The following NEUROD2 variants were observed in gnomAD, a reference collection of about 807,000 sequenced individuals.
The protein encoded by NEUROD2 is neuronal differentiation 2.
In NEUROD2, 5 loss-of-function variants were observed where a neutral mutation model predicts 9.3. The ratio of observed to expected loss-of-function variants is 0.54; its 90% CI spans 0.28 to 1.13. The LOEUF is 1.13. Among genes scored for constraint, NEUROD2 ranks in the 50% most tolerant of loss-of-function variants. The pLI, the probability that NEUROD2 is intolerant of heterozygous loss-of-function variation, is 0.10. For synonymous variants in NEUROD2, 277 were observed against 257.3 expected (o/e 1.08, Z -0.73); for missense variants, 376 against 549.2 (o/e 0.68, Z 3.15).
In NEUROD2 at chr17:39,605,828, C is replaced by T; in HGVS notation, c.772G>A (p.Gly258Ser). The T allele has an allele frequency of 7.3e-7, 1 of 1,369,426 alleles. No individual in the cohort carries two copies. Among genetic ancestry groups the T allele is most frequent in the Non-Finnish European group, 9.4e-7 (1 of 1,067,870 alleles). The allele number at this position is 1,369,426 out of a possible 1,614,324, so 84.8% of individuals were successfully genotyped here. The change falls in exon 2 of 2, where the codon GGC becomes AGC. Residue 258 changes from glycine to serine, a missense_variant. Transcript: ENST00000302584. This position sits in a 1 kb window ranked among gnomAD's most constrained non-coding sequence, Gnocchi z 6.8. ...GAQCQAAGGL[G>S]GGAAHALRTH... is the part of the protein sequence containing the mutation. ...CGCAGGGCGTGCGCCGCGCCGCCGC[C>T]CAGGCCGCCGGCCGCCTGGCACTGT...
chr17:39,604,538 C>T lies in NEUROD2; in HGVS notation c.*913G>A, dbSNP rs1024858532. On this transcript the variant is annotated 3_prime_UTR_variant, in exon 2 of 2. Transcript: ENST00000302584. ...ACAGATCCGCGCTCGGGCGGGGCGG[C>T]CCGCAGGCCGGGCGGGGCATCCCGG... is the stretch of plus-strand genomic sequence containing the variant. 3 of 151,752 alleles carry T rather than the reference C, an allele frequency of 2.0e-5. No homozygotes were observed. The highest frequency in any genetic ancestry group is 7.3e-5 in the African/African-American group (3 of 41,306). 9.4% of individuals were successfully genotyped at this position (151,752 alleles called of 1,614,324 possible).
rs958579554 is a variant in NEUROD2, at chr17:39,606,751, G to T, written c.-5-147C>A. ...GCTACCCTGGATGCCCACCTCCGCCGCCTGCCCCGCCCAGAGCCGGCCCAG... is the reference window on the plus strand; with the variant it reads ...GCTACCCTGGATGCCCACCTCCGCCTCCTGCCCCGCCCAGAGCCGGCCCAG... On this transcript the variant is annotated intron_variant, in intron 1 of 1. Coordinates refer to ENST00000302584, the MANE Select transcript of NEUROD2 (RefSeq NM_006160.4). The surrounding 1 kb of genome is among the most constrained non-coding windows in gnomAD (Gnocchi z 7.8). 2.1e-4 allele frequency: 176 copies of T among 833,662 alleles called. No individual in the cohort carries two copies. In the African/African-American group the frequency reaches 2.9e-3, roughly 14 times the overall value. 51.6% of individuals were successfully genotyped at this position (833,662 alleles called of 1,614,324 possible).
At position 39,605,210 on chromosome 17, in the gene NEUROD2, G is replaced by C. The variant is rs2056762274; in HGVS notation, c.*241C>G. On this transcript the variant is annotated 3_prime_UTR_variant, in exon 2 of 2. Coordinates refer to ENST00000302584, the MANE Select transcript of NEUROD2 (RefSeq NM_006160.4). This position sits in a 1 kb window ranked among gnomAD's most constrained non-coding sequence, Gnocchi z 6.8. ...AGAGGTCCCTGGAGAAGCACTCCTT[G>C]GGAGAGAGGAGGAGGGAACCCCTTG... The C allele has an allele frequency of 4.4e-6, 2 of 454,532 alleles. No homozygotes were observed. The highest frequency in any genetic ancestry group is 4.0e-5 in the African/African-American group (2 of 49,984). The allele number at this position is 454,532 out of a possible 1,614,324, so 28.2% of individuals were successfully genotyped here.
chr17:39,605,360 G>GA lies in NEUROD2; in HGVS notation c.*90_*91insT, dbSNP rs11388087. On this transcript the variant is annotated 3_prime_UTR_variant, in exon 2 of 2. Coordinates refer to ENST00000302584, the MANE Select transcript of NEUROD2 (RefSeq NM_006160.4). This position sits in a 1 kb window ranked among gnomAD's most constrained non-coding sequence, Gnocchi z 6.8. ...TGGCCCGCTCCCCGCGCCCGGCGCC[G>GA]GGGTAGGATGGGGGTGTCCCTGCGC... 12,187 of 1,427,422 alleles carry GA rather than the reference G, an allele frequency of 8.5e-3. 888 individuals are homozygous for GA. The African/African-American group carries it at 0.16, about 19-fold the overall frequency. 88.4% of individuals were successfully genotyped at this position (1,427,422 alleles called of 1,614,324 possible). A position where few individuals can be genotyped will look rare whatever the true frequency, so the allele number is the denominator to read the frequency against.
chr17:39,607,696 G>T (rs1461098878), intron 1 of NEUROD2, 32 bp downstream of exon 1: 14 of 977,108 alleles, frequency 1.4e-5, no homozygotes, highest in Non-Finnish European at 1.6e-5. Flanking sequence ...CCAACCGGCG[G>T]GTCAGATCTC....
In NEUROD2 at chr17:39,606,330, T is replaced by C. The variant is rs1380296917; in HGVS notation, c.270A>G (p.Glu90=). 6.3e-7 allele frequency: 1 copy of C among 1,596,460 alleles called. No individual in the cohort carries two copies. The highest frequency in any genetic ancestry group is 8.5e-7 in the Non-Finnish European group (1 of 1,174,152). Residue 90 remains glutamate (E), a synonymous_variant, in exon 2 of 2, where the codon GAA becomes GAG. Transcript: ENST00000302584. This position sits in a 1 kb window ranked among gnomAD's most constrained non-coding sequence, Gnocchi z 7.8. ...GGEEEEEEEE[E]EGLDEAEGER... The stretch of plus-strand genomic sequence containing the variant: ...CGCCCTCCGCCTCGTCCAGTCCTTC[T>C]TCCTCCTCCTCTTCCTCCTCCTCCT...
chr17:39,607,575 A>C, intron 1 of NEUROD2, 153 bp downstream of exon 1: 1 of 981,694 alleles, frequency 1.0e-6, no homozygotes, highest in Non-Finnish European at 1.2e-6. Context: ...TGCAGCCCCT[A>C]AGGGAGAGAG....
rs1054159361 is a variant in NEUROD2, at chr17:39,605,307, C to T, written c.*144G>A. ...AGGCCACCCACAGGTAACAGGACTGCGCTGCCCCAGGAGAGCGGCAGGACC... is the reference window on the plus strand; with the variant it reads ...AGGCCACCCACAGGTAACAGGACTGTGCTGCCCCAGGAGAGCGGCAGGACC... On this transcript the variant is annotated 3_prime_UTR_variant, in exon 2 of 2. Coordinates refer to ENST00000302584, the MANE Select transcript of NEUROD2 (RefSeq NM_006160.4). This position sits in a 1 kb window ranked among gnomAD's most constrained non-coding sequence, Gnocchi z 6.8. 8.8e-7 allele frequency: 1 copy of T among 1,137,924 alleles called. No individual in the cohort carries two copies. Among genetic ancestry groups the T allele is most frequent in the Non-Finnish European group, 1.2e-6 (1 of 827,846 alleles). The allele number at this position is 1,137,924 out of a possible 1,614,324, so 70.5% of individuals were successfully genotyped here. A position where few individuals can be genotyped will look rare whatever the true frequency, so the allele number is the denominator to read the frequency against.
Position 39,607,735 on chromosome 17 carries a change from AG to A in NEUROD2, c.-14del. On this transcript the variant is annotated 5_prime_UTR_variant, in exon 1 of 2. Transcript: ENST00000302584. Reference sequence around the variant, plus strand: ...CCCTTTCGGACAACTTACCTCGGAGAGGAGTCAAGGGGAGAGGGGAGGGGAG... The same window carrying A: ...CCCTTTCGGACAACTTACCTCGGAGAGAGTCAAGGGGAGAGGGGAGGGGAG... 3.5e-6 allele frequency: 1 copy of A among 284,888 alleles called. No homozygotes were observed. The allele number at this position is 284,888 out of a possible 1,614,324, so 17.6% of individuals were successfully genotyped here.
In NEUROD2 at chr17:39,606,345, C is replaced by T. The variant is rs1186387703; in HGVS notation, c.255G>A (p.Glu85=). ...CCAGTCCTTCTTCCTCCTCCTCTTC[C>T]TCCTCCTCCTCTCCCCCCAGCTCGC... The part of the protein sequence containing the change: ...EEGELGGEEE[E]EEEEEEGLDE... The change falls in exon 2 of 2, where the codon GAG becomes GAA. Residue 85 remains glutamate (E), a synonymous_variant. Transcript: ENST00000302584. This position sits in a 1 kb window ranked among gnomAD's most constrained non-coding sequence, Gnocchi z 7.8. 2.6e-6 allele frequency: 4 copies of T among 1,565,388 alleles called. No individual in the cohort carries two copies. The African/African-American group carries it at 4.1e-5, about 16-fold the overall frequency.
At position 39,604,865 on chromosome 17, in the gene NEUROD2, T is replaced by C. The variant is rs2056760676; in HGVS notation, c.*586A>G. The C allele has an allele frequency of 6.8e-6, 1 of 147,954 alleles. No homozygotes were observed. Among genetic ancestry groups the C allele is most frequent in the African/African-American group, 2.5e-5 (1 of 40,158 alleles). 9.2% of individuals were successfully genotyped at this position (147,954 alleles called of 1,614,324 possible). ...TAGTTACAAATTGTCTTGGCCTCTCTCTTTCCTCTCAATCCACTTCCCCTC... is the reference window on the plus strand; with the variant it reads ...TAGTTACAAATTGTCTTGGCCTCTCCCTTTCCTCTCAATCCACTTCCCCTC... On this transcript the variant is annotated 3_prime_UTR_variant, in exon 2 of 2. Transcript: ENST00000302584.
In NEUROD2 at chr17:39,604,755, CT is replaced by C. The variant is rs67001366; in HGVS notation, c.*695del. The C allele has an allele frequency of 2.2e-4, 5 of 22,342 alleles. No individual in the cohort carries two copies. The highest frequency in any genetic ancestry group is 4.1e-4 in the African/African-American group (2 of 4,904). 1.4% of individuals were successfully genotyped at this position (22,342 alleles called of 1,614,324 possible). A position where few individuals can be genotyped will look rare whatever the true frequency, so the allele number is the denominator to read the frequency against. On this transcript the variant is annotated 3_prime_UTR_variant, in exon 2 of 2. Transcript: ENST00000302584. ...GCGTTCGGCTTCCGTCGCCTCTTAG[CT>C]TTTTTTTTTTTTTTTTTTTTTTTTT...
Position 39,606,394 on chromosome 17 carries a change from G to T in NEUROD2, c.206C>A (p.Thr69Lys). 6.5e-7 allele frequency: 1 copy of T among 1,548,058 alleles called. No individual in the cohort carries two copies. The highest frequency in any genetic ancestry group is 8.7e-7 in the Non-Finnish European group (1 of 1,148,868). The change falls in exon 2 of 2, where the codon ACG becomes AAG. Residue 69 changes from threonine (T) to lysine (K), a missense_variant. Physicochemically the swap from Thr to Lys is moderately conservative, Grantham distance 78. Coordinates refer to ENST00000302584, the MANE Select transcript of NEUROD2 (RefSeq NM_006160.4). This position sits in a 1 kb window ranked among gnomAD's most constrained non-coding sequence, Gnocchi z 7.8. ...PLRGEEGTEA[T>K]LAEVKEEGEL... is the part of the protein sequence containing the mutation. ...GCCTTCCTCCTTGACCTCGGCCAACGTGGCCTCCGTCCCCTCTTCTCCACG... is the reference window on the plus strand; with the variant it reads ...GCCTTCCTCCTTGACCTCGGCCAACTTGGCCTCCGTCCCCTCTTCTCCACG...
At position 39,605,695 on chromosome 17, in the gene NEUROD2, G is replaced by A. The variant is rs772966261; in HGVS notation, c.905C>T (p.Pro302Leu). 3.1e-6 allele frequency: 5 copies of A among 1,606,860 alleles called. No individual in the cohort carries two copies. The highest frequency in any genetic ancestry group is 4.2e-6 in the Non-Finnish European group (5 of 1,177,086). The change falls in exon 2 of 2, where the codon CCG becomes CTG. Residue 302 changes from proline to leucine, a missense_variant. By Grantham distance (98) the Pro-to-Leu change is moderately conservative. This residue lies in a region of NEUROD2 where 193 missense variants were observed against 255.8 expected (regional missense o/e 0.75). Transcript: ENST00000302584. The surrounding 1 kb of genome is among the most constrained non-coding windows in gnomAD (Gnocchi z 6.8). Reference protein sequence around the residue: ...SSEYEGPLSPPLCLNGNFSLK... With the variant: ...SSEYEGPLSPLLCLNGNFSLK... ...TGAGAAGTTGCCATTGAGACAGAGC[G>A]GGGGGCTGAGCGGGCCCTCGTACTC...
rs977914329 is a variant in NEUROD2 at position 39,606,708 on chromosome 17, G to C, written c.-5-104C>G. The C allele has an allele frequency of 2.5e-5, 31 of 1,242,602 alleles. No individual in the cohort carries two copies. Among genetic ancestry groups the C allele is most frequent in the Non-Finnish European group, 2.8e-5 (26 of 940,804 alleles). The allele number at this position is 1,242,602 out of a possible 1,614,324, so 77.0% of individuals were successfully genotyped here. On this transcript the variant is annotated intron_variant, in intron 1 of 1. Transcript: ENST00000302584. The surrounding 1 kb of genome is among the most constrained non-coding windows in gnomAD (Gnocchi z 7.8). Reference sequence around the variant, plus strand: ...CAACCCTCCTCCACCCCCGAGTCTCGTGCGGGCTCCTGCCTAGGCTACCCT... The same window carrying C: ...CAACCCTCCTCCACCCCCGAGTCTCCTGCGGGCTCCTGCCTAGGCTACCCT...
Position 39,604,648 on chromosome 17 carries a change from GTTTGTTTTTTTGTTT to G in NEUROD2, c.*788_*802del, listed in dbSNP as rs1313766352. 1 of 149,276 alleles carries G rather than the reference GTTTGTTTTTTTGTTT, an allele frequency of 6.7e-6. No individual in the cohort carries two copies. The highest frequency in any genetic ancestry group is 1.5e-5 in the Non-Finnish European group (1 of 67,302). The allele number at this position is 149,276 out of a possible 1,614,324, so 9.2% of individuals were successfully genotyped here. On this transcript the variant is annotated 3_prime_UTR_variant, in exon 2 of 2. Coordinates refer to ENST00000302584, the MANE Select transcript of NEUROD2 (RefSeq NM_006160.4). ...TTATTGGTAGTAGTGGTTTTTTTTT[GTTTGTTTTTTTGTTT>G]TTTGTTTTTTTTGCCTTTTATTGCT...
chr17:39,605,443 G>A lies in NEUROD2; in HGVS notation c.*8C>T, dbSNP rs762307909. The A allele has an allele frequency of 3.0e-5, 47 of 1,559,530 alleles. No individual in the cohort carries two copies. The highest frequency in any genetic ancestry group is 4.0e-5 in the Non-Finnish European group (46 of 1,148,452). ...GCAAAAGAAAAAGAAGGGAGCCGGC[G>A]CGAAGTCTCAGTTATGAAAAAACGC... is the stretch of plus-strand genomic sequence containing the variant. On this transcript the variant is annotated 3_prime_UTR_variant, in exon 2 of 2. Coordinates refer to ENST00000302584, the MANE Select transcript of NEUROD2 (RefSeq NM_006160.4). The surrounding 1 kb of genome is among the most constrained non-coding windows in gnomAD (Gnocchi z 6.8).
chr17:39,605,802 C>T lies in NEUROD2; in HGVS notation c.798G>A (p.Arg266=). 1 of 1,382,292 alleles carries T rather than the reference C, an allele frequency of 7.2e-7. No individual in the cohort carries two copies. The highest frequency in any genetic ancestry group is 9.3e-7 in the Non-Finnish European group (1 of 1,074,924). 85.6% of individuals were successfully genotyped at this position (1,382,292 alleles called of 1,614,324 possible). ...GLGGGAAHAL[R]THGYCAAYET... ...CGTAGGCGGCGCAGTAGCCGTGGGT[C>T]CGCAGGGCGTGCGCCGCGCCGCCGC... Residue 266 remains arginine, a synonymous_variant, in exon 2 of 2, where the codon CGG becomes CGA. Transcript: ENST00000302584. The surrounding 1 kb of genome is among the most constrained non-coding windows in gnomAD (Gnocchi z 6.8).
In NEUROD2 at chr17:39,606,785, G is replaced by A; in HGVS notation, c.-5-181C>T. On this transcript the variant is annotated intron_variant, in intron 1 of 1. Transcript: ENST00000302584. This position sits in a 1 kb window ranked among gnomAD's most constrained non-coding sequence, Gnocchi z 7.8. ...GCCCAGAGCCGGCCCAGCCCTACCCGGCTGCCGGCCTGGGATCTCGGCCCA... is the reference window on the plus strand; with the variant it reads ...GCCCAGAGCCGGCCCAGCCCTACCCAGCTGCCGGCCTGGGATCTCGGCCCA... The A allele has an allele frequency of 3.3e-6, 2 of 601,088 alleles. No homozygotes were observed. The highest frequency in any genetic ancestry group is 5.4e-6 in the Non-Finnish European group (2 of 371,688). The allele number at this position is 601,088 out of a possible 1,614,324, so 37.2% of individuals were successfully genotyped here. A position where few individuals can be genotyped will look rare whatever the true frequency, so the allele number is the denominator to read the frequency against.
Sources: allele counts gnomAD v4.1 joint callset, GRCh38; gene constraint gnomAD v4.1.1; regional missense constraint gnomAD v4.1.1; non-coding constraint Gnocchi (gnomAD v3.1); transcripts MANE v1.5; gene names NCBI Gene and HGNC (gene_info 2026-07-23, HGNC 2026-07-21).